TNNI3K: variants seen among roughly 807,000 people sequenced by gnomAD.
The protein encoded by TNNI3K is TNNI3 interacting kinase.
TNNI3K carries 140 observed loss-of-function variants against 114.5 expected under a neutral mutation model. The observed-to-expected ratio is 1.22, with a 90% confidence interval of 1.07 to 1.41. The LOEUF (loss-of-function observed/expected upper bound fraction) is 1.41. Among genes scored for constraint, TNNI3K ranks in the 40% most tolerant of loss-of-function variants. The pLI is 0.00. For missense variants in TNNI3K, 1,125 were observed against 1,007.6 expected, an observed-to-expected ratio of 1.12 and a Z score of -1.58; for synonymous variants, 347 against 347.5, an observed-to-expected ratio of 1.00 and a Z score of 0.02.
intron 19 of TNNI3K, among the ~76,000 whole-genome samples, chr1:74,438,234 A>G (rs1182251511): frequency 6.6e-6 from 1 of 151,926 alleles, no homozygotes; most frequent in Non-Finnish European, 1.5e-5. Flanking sequence ...CCACATATAC[A>G]ATGTTGTGAC....
chr1:74,367,540 C>T (rs993643141), intron 12 of TNNI3K, among the ~76,000 whole-genome samples, 198 bp downstream of exon 12: 1 of 151,920 alleles, frequency 6.6e-6, no homozygotes, highest in Admixed American at 6.6e-5. Context: ...TTTTCTAACT[C>T]ACCAATCTGC....
intron 7 of TNNI3K, among the ~76,000 whole-genome samples, chr1:74,338,558 G>A (rs1456731611): frequency 6.6e-6 from 1 of 151,552 alleles, no homozygotes; most frequent in Non-Finnish European, 1.5e-5. Context: ...GCTGGCCTTT[G>A]CAGCGGGAAC....
intron 17 of TNNI3K, among the ~76,000 whole-genome samples, chr1:74,433,215 C>T (rs1037131490): frequency 3.3e-5 from 5 of 152,048 alleles, no homozygotes; most frequent in Admixed American, 1.3e-4. Flanking sequence ...CTAGCTTCAG[C>T]TCCAAGCTCT....
chr1:74,303,047 C>G (rs1658420258), intron 5 of TNNI3K, among the ~76,000 whole-genome samples: 1 of 152,124 alleles, frequency 6.6e-6, no homozygotes, highest in Admixed American at 6.5e-5. Context: ...GGTGACTTTA[C>G]CTAGAAGTGA....
intron 11 of TNNI3K, among the ~76,000 whole-genome samples, chr1:74,364,945 T>C (rs189416450): frequency 2.3e-4 from 35 of 152,210 alleles, no homozygotes; most frequent in Non-Finnish European, 4.7e-4. Flanking sequence ...TATAAGATAA[T>C]AAATTTGTAT....
chr1:74,251,516 A>T (rs540188577), intron 4 of TNNI3K, among the ~76,000 whole-genome samples: 2 of 152,366 alleles, frequency 1.3e-5, no homozygotes, highest in East Asian at 3.9e-4. Flanking sequence ...AATGCAATTA[A>T]AGACTAAAGT....
intron 11 of TNNI3K, chr1:74,366,836 A>G: frequency 6.5e-6 from 1 of 153,818 alleles, no homozygotes; most frequent in East Asian, 1.9e-4. Flanking sequence ...TGTACGCTCA[A>G]TCACAGCAAA....
At chr1:74,463,582 T>C in intron 21 of TNNI3K, 32 bp downstream of exon 21, 1 of 1,609,492 alleles carries the variant, frequency 6.2e-7, no homozygotes, top group South Asian at 1.1e-5. Flanking sequence ...TTAGAAAATG[T>C]GTTATGGTCA....
At chr1:74,478,984 T>G (rs1427473494) in intron 21 of TNNI3K, among the ~76,000 whole-genome samples, 1 of 152,226 alleles carries the variant, frequency 6.6e-6, no homozygotes, top group Non-Finnish European at 1.5e-5. Flanking sequence ...GTAGTTCCAT[T>G]GTCTATACCT....
At chr1:74,324,736 T>G (rs1030794839) in intron 5 of TNNI3K, among the ~76,000 whole-genome samples, 1 of 152,152 alleles carries the variant, frequency 6.6e-6, no homozygotes, top group Non-Finnish European at 1.5e-5. Flanking sequence ...AAGCTTTTAT[T>G]GGGTTCCAAT....
At chr1:74,479,152 C>G (rs1202817645) in intron 21 of TNNI3K, among the ~76,000 whole-genome samples, 2 of 152,170 alleles carry the variant, frequency 1.3e-5, no homozygotes, top group Non-Finnish European at 2.9e-5. Context: ...TGGTCTCTCT[C>G]TCTTTCTCTC....
intron 5 of TNNI3K, among the ~76,000 whole-genome samples, chr1:74,284,181 T>C (rs1190243399): frequency 6.6e-6 from 1 of 152,228 alleles, no homozygotes; most frequent in Non-Finnish European, 1.5e-5. Flanking sequence ...CTACTTACTT[T>C]TCTCAGGGAT....
At chr1:74,412,586 A>T (rs916258947) in intron 17 of TNNI3K, among the ~76,000 whole-genome samples, 1 of 151,986 alleles carries the variant, frequency 6.6e-6, no homozygotes, top group Non-Finnish European at 1.5e-5. Context: ...CAGGCCACAT[A>T]ATTTTGTACT....
At chr1:74,284,841 T>C (rs1283436510) in intron 5 of TNNI3K, among the ~76,000 whole-genome samples, 1 of 152,240 alleles carries the variant, frequency 6.6e-6, no homozygotes. Context: ...ATAAATGGGC[T>C]AACTCCTTCA....
intron 17 of TNNI3K, among the ~76,000 whole-genome samples, chr1:74,391,957 A>ATTATTAT (rs1369570973): frequency 1.1e-5 from 1 of 92,990 alleles, no homozygotes; most frequent in African/African-American, 3.9e-5. Context: ...ACAGCTTATT[A>ATTATTAT]TTTTTTTTTT....
chr1:74,531,073 A>G (rs369012085), intron 23 of TNNI3K, among the ~76,000 whole-genome samples: 5 of 152,202 alleles, frequency 3.3e-5, no homozygotes, highest in Non-Finnish European at 5.9e-5. Flanking sequence ...CTCAAGCAGA[A>G]CCATGACCTG....
chr1:74,420,951 C>T (rs1317000126), intron 17 of TNNI3K, among the ~76,000 whole-genome samples: 1 of 152,044 alleles, frequency 6.6e-6, no homozygotes, highest in African/African-American at 2.4e-5. Context: ...TGAATTTTTG[C>T]ATGAGTGAAA....
At chr1:74,284,944 T>C (rs753582319) in intron 5 of TNNI3K, among the ~76,000 whole-genome samples, 1 of 152,240 alleles carries the variant, frequency 6.6e-6, no homozygotes, top group South Asian at 2.1e-4. Context: ...TAATTTGTCC[T>C]GAAAGGACAT....
intron 23 of TNNI3K, among the ~76,000 whole-genome samples, chr1:74,522,783 TG>T (rs1357401469): frequency 6.6e-6 from 1 of 152,130 alleles, no homozygotes; most frequent in Non-Finnish European, 1.5e-5. Flanking sequence ...TTTCTTAGGT[TG>T]AAAATCTGTA....
Sources: allele counts gnomAD v4.1 joint callset (sites outside exome capture counted in the v4.1 genomes callset), GRCh38; gene constraint gnomAD v4.1.1; transcripts MANE v1.5; gene names NCBI Gene and HGNC (gene_info 2026-07-23, HGNC 2026-07-21).